Variants in PRKX observed in about 807,000 individuals in gnomAD.
The protein encoded by PRKX is cAMP-dependent protein kinase catalytic subunit PRKX.
In PRKX, 12 loss-of-function variants were observed where a neutral mutation model predicts 22.0. The observed-to-expected ratio is 0.54, with a 90% confidence interval of 0.35 to 0.88. PRKX has a LOEUF of 0.88. Among genes scored for constraint, PRKX ranks in the 40% least tolerant of loss-of-function variants. The pLI is 0.01. For synonymous variants in PRKX, 134 were observed against 137.7 expected (o/e 0.97, Z 0.19); for missense variants, 217 against 308.0 (o/e 0.70, Z 2.21).
intron 1 of PRKX, among the ~76,000 whole-genome samples, chrX:3,678,582 G>C (rs1417962002): frequency 2.7e-4 from 30 of 112,284 alleles, no homozygotes; most frequent in African/African-American, 9.7e-4. Context: ...CACTGCAGCG[G>C]ATCTTTGCGC....
chrX:3,643,340 G>A (rs769434146), intron 3 of PRKX, among the ~76,000 whole-genome samples: 3 of 111,620 alleles, frequency 2.7e-5, no homozygotes, highest in Non-Finnish European at 5.6e-5. Flanking sequence ...CTCTGCAAAC[G>A]GCGAGCGGCT....
intron 1 of PRKX, among the ~76,000 whole-genome samples, chrX:3,689,744 A>T (rs6641853): frequency 9.0e-6 from 1 of 111,303 alleles, no homozygotes; most frequent in Non-Finnish European, 1.9e-5. Context: ...TTGGGAGGCC[A>T]AGGCGGGCGG....
rs1452493396 is a variant in PRKX, at chrX:3,611,065, T to A, written c.*23+1112A>T. ...CACTGTGAAAGCGTTCATCACACAC[T>A]GAGAGGTGAAGCCATGCCATGGAGA... is the stretch of plus-strand genomic sequence containing the variant. On this transcript the variant is annotated intron_variant, in intron 8 of 8. Transcript: ENST00000262848. 3 of 112,129 alleles carry A rather than the reference T, an allele frequency of 2.7e-5. No individual in the cohort carries two copies. The East Asian group carries it at 8.4e-4, about 31-fold the overall frequency. 9.2% of individuals were successfully genotyped at this position (112,129 alleles called of 1,213,427 possible).
intron 1 of PRKX, among the ~76,000 whole-genome samples, chrX:3,686,208 G>C (rs1463071172): frequency 1.8e-5 from 2 of 111,534 alleles, no homozygotes; most frequent in Middle Eastern, 4.6e-3. Context: ...TGGGGGCTGA[G>C]AGCAAAATCT....
At chrX:3,653,920 A>ATT (rs1491519352) in intron 3 of PRKX, among the ~76,000 whole-genome samples, 16 of 44,400 alleles carry the variant, frequency 3.6e-4, no homozygotes, top group African/African-American at 9.1e-4. Context: ...TGATATATAT[A>ATT]ATATATATTA....
chrX:3,679,788 G>A (rs1242184160), intron 1 of PRKX, among the ~76,000 whole-genome samples: 3 of 112,028 alleles, frequency 2.7e-5, no homozygotes, highest in African/African-American at 9.7e-5. Flanking sequence ...GCAATCTCGG[G>A]AAGGTGTGGC....
At chrX:3,648,198 T>C (rs767270172) in intron 3 of PRKX, among the ~76,000 whole-genome samples, 2 of 111,672 alleles carry the variant, frequency 1.8e-5, no homozygotes, top group Non-Finnish European at 3.8e-5. Context: ...TTTTAGGCCT[T>C]GTGAATCACA....
At chrX:3,632,525 C>T (rs1926806584) in intron 4 of PRKX, among the ~76,000 whole-genome samples, 2 of 111,794 alleles carry the variant, frequency 1.8e-5, no homozygotes, top group Admixed American at 1.9e-4. Context: ...AGGAAATGTG[C>T]CATACATACC....
intron 2 of PRKX, among the ~76,000 whole-genome samples, chrX:3,663,315 G>A (rs62583680): frequency 0.17 from 18,504 of 107,629 alleles, 1,379 homozygotes; most frequent in East Asian, 0.34. Flanking sequence ...AAGGGGCAAG[G>A]CATGGCGGTG....
In PRKX at chrX:3,679,688, C is replaced by G. The variant is rs139899750; in HGVS notation, c.167-4922G>C. 8.6e-3 allele frequency among the ~76,000 whole-genome samples: 966 copies of G among 112,323 alleles called. 13 individuals carry two copies. Among genetic ancestry groups the G allele is most frequent in the African/African-American group, 0.03 (918 of 30,939 alleles). Reference sequence around the variant, plus strand: ...GAGGGTGTTGTATAATTAAAAAGGACATGCACCCATTCTCATCCCAAATTT... The same window carrying G: ...GAGGGTGTTGTATAATTAAAAAGGAGATGCACCCATTCTCATCCCAAATTT... On this transcript the variant is annotated intron_variant, in intron 1 of 8. Transcript: ENST00000262848.
chrX:3,655,468 G>A (rs1603474126), intron 2 of PRKX, 56 bp from the exon 3 acceptor site: 5 of 1,185,997 alleles, frequency 4.2e-6, no homozygotes, highest in Middle Eastern at 2.3e-4. Context: ...CAGGGGGTAC[G>A]CCGTCAGCTA....
chrX:3,686,916 CA>C (rs1463794982), intron 1 of PRKX, among the ~76,000 whole-genome samples: 2 of 112,239 alleles, frequency 1.8e-5, no homozygotes, highest in Admixed American at 1.9e-4. Context: ...CTTAATTAAC[CA>C]TTTTGAAGTG....
intron 4 of PRKX, among the ~76,000 whole-genome samples, chrX:3,629,923 T>C (rs1391815590): frequency 8.9e-6 from 1 of 112,057 alleles, no homozygotes; most frequent in African/African-American, 3.2e-5. Context: ...TCTGCAAAGC[T>C]GACCGAAGCT....
intron 1 of PRKX, among the ~76,000 whole-genome samples, chrX:3,675,776 C>T (rs1245762219): frequency 9.0e-6 from 1 of 111,557 alleles, no homozygotes; most frequent in African/African-American, 3.3e-5. Context: ...TGTTCACGCA[C>T]ATATTGAAAT....
chrX:3,604,832 T>C lies in PRKX; in HGVS notation c.*4137A>G, dbSNP rs1378871430. 1 of 111,638 alleles carries C rather than the reference T, an allele frequency of 9.0e-6. No homozygotes were observed. The highest frequency in any genetic ancestry group is 1.9e-5 in the Non-Finnish European group (1 of 53,113). 9.2% of individuals were successfully genotyped at this position (111,638 alleles called of 1,213,427 possible). On this transcript the variant is annotated 3_prime_UTR_variant, in exon 9 of 9. Transcript: ENST00000262848. Reference sequence around the variant, plus strand: ...ACATACAGAACAGACGTGTCCACCATGGAAGATCAAACTAAGCCTCAACAG... The same window carrying C: ...ACATACAGAACAGACGTGTCCACCACGGAAGATCAAACTAAGCCTCAACAG...
At chrX:3,609,242 A>G (rs1290940623) in intron 8 of PRKX, among the ~76,000 whole-genome samples, 3 of 110,201 alleles carry the variant, frequency 2.7e-5, no homozygotes, top group African/African-American at 9.9e-5. Context: ...GCTCACTGCA[A>G]CCTCCGCCTC....
chrX:3,612,352 G>T, intron 7 of PRKX, 27 bp from the exon 8 acceptor site: 1 of 1,197,847 alleles, frequency 8.3e-7, no homozygotes, highest in Non-Finnish European at 1.1e-6. Flanking sequence ...AAGCACAAAG[G>T]CATGGTTAGA....
At chrX:3,666,460 A>C (rs184837401) in intron 2 of PRKX, among the ~76,000 whole-genome samples, 126 of 111,358 alleles carry the variant, frequency 1.1e-3, no homozygotes, top group African/African-American at 4.0e-3. Flanking sequence ...CCAGCCGTGA[A>C]CTGTACATTT....
At chrX:3,689,828 T>C (rs892342143) in intron 1 of PRKX, among the ~76,000 whole-genome samples, 1 of 111,082 alleles carries the variant, frequency 9.0e-6, no homozygotes, top group Admixed American at 9.6e-5. Context: ...ATACAAAAAA[T>C]TAGCCGAGTG....
Sources: gnomAD v4.1 joint callset for allele counts (sites outside exome capture counted in the v4.1 genomes callset) on GRCh38, gnomAD v4.1.1 for gene constraint, MANE v1.5 for transcripts, NCBI Gene and HGNC (gene_info 2026-07-23, HGNC 2026-07-21) for gene names.